The following ABHD5 variants were observed in gnomAD, a reference collection of about 807,000 sequenced individuals.
ABHD5 encodes the protein abhydrolase domain containing 5, lysophosphatidic acid acyltransferase, also known as 1-acylglycerol-3-phosphate O-acyltransferase ABHD5.
ABHD5 carries 30 observed loss-of-function variants against 44.9 expected under a neutral mutation model. The observed-to-expected ratio is 0.67, with a 90% CI of 0.50 to 0.91. The LOEUF (loss-of-function observed/expected upper bound fraction) is 0.91, where lower values mean the gene tolerates loss of function less well. Among genes scored for constraint, ABHD5 ranks in the 40% least tolerant of loss-of-function variants. The pLI is 0.00. For missense variants in ABHD5, 399 were observed against 423.4 expected, an observed-to-expected ratio of 0.94 and a Z score of 0.50; for synonymous variants, 167 against 147.0, an observed-to-expected ratio of 1.14 and a Z score of -0.99.
rs181786751 is a variant in ABHD5 at position 43,714,738 on chromosome 3, T to C, written c.662-209T>C. 1.9e-3 allele frequency among the ~76,000 whole-genome samples: 284 copies of C among 152,292 alleles called. 2 individuals are homozygous for C. The highest frequency in any genetic ancestry group is 1.5e-3 in the Non-Finnish European group (99 of 68,018). On this transcript the variant is annotated intron_variant, in intron 4 of 6. Transcript: ENST00000644371. ...CAAGTCAAAATACAATACTCTTTAC[T>C]TCTTATATTAATATTTCCTTGGGGA...
At chr3:43,705,931 TAC>T (rs1266023385) in intron 3 of ABHD5, among the ~76,000 whole-genome samples, 2 of 152,268 alleles carry the variant, frequency 1.3e-5, no homozygotes, top group African/African-American at 2.4e-5. Flanking sequence ...TGTACAAATT[TAC>T]ATAGATGATC....
chr3:43,695,862 T>C (rs1276893968), intron 1 of ABHD5, among the ~76,000 whole-genome samples: 1 of 152,264 alleles, frequency 6.6e-6, no homozygotes, highest in African/African-American at 2.4e-5. Context: ...AAGCACATCT[T>C]ACTTGGCTTT....
At chr3:43,717,626 C>G (rs773275659) in intron 5 of ABHD5, 45 bp from the exon 6 acceptor site, 5 of 1,602,228 alleles carry the variant, frequency 3.1e-6, no homozygotes, top group Non-Finnish European at 1.7e-6. Flanking sequence ...AATGCATACT[C>G]ATTCCCAAAA....
chr3:43,699,350 A>G lies in ABHD5; in HGVS notation c.122A>G (p.Lys41Arg), dbSNP rs756696058. Residue 41 changes from lysine to arginine, a missense_variant, in exon 2 of 7, where the codon AAG becomes AGG. Physicochemically the swap from Lys to Arg is conservative, Grantham distance 26. Transcript: ENST00000644371. The part of the protein sequence containing the change: ...SISHLKEAEE[K>R]MLKCVPCTYK... ...TCACACCTTAAAGAAGCTGAAGAGA[A>G]GATGTTAAAATGTAAGGCTTTCTTC... 1.9e-6 allele frequency: 3 copies of G among 1,613,258 alleles called. No individual in the cohort carries two copies. The South Asian group carries it at 3.3e-5, about 18-fold the overall frequency.
Position 43,715,037 on chromosome 3 carries a change from A to C in ABHD5, c.752A>C (p.His251Pro), listed in dbSNP as rs528321695. 4.4e-6 allele frequency: 7 copies of C among 1,608,254 alleles called. No individual in the cohort carries two copies. The South Asian group carries it at 7.7e-5, about 18-fold the overall frequency. The change falls in exon 5 of 7, where the codon CAC (histidine) becomes CCC (proline). Residue 251 changes from histidine to proline, a missense_variant. Physicochemically the swap from His to Pro is moderately conservative, Grantham distance 77. Coordinates refer to ENST00000644371, the MANE Select transcript of ABHD5 (RefSeq NM_016006.6). ...EDDTVTEYIY[H>P]CNVQTPSGET... Reference sequence around the variant, plus strand: ...GATACTGTGACAGAATACATCTACCACTGTAATGTGCAGACTCCAAGGTGA... The same window carrying C: ...GATACTGTGACAGAATACATCTACCCCTGTAATGTGCAGACTCCAAGGTGA...
chr3:43,718,488 G>T lies in ABHD5; in HGVS notation c.1006G>T (p.Glu336Ter), dbSNP rs762662276. 6.2e-7 allele frequency: 1 copy of T among 1,614,018 alleles called. No individual in the cohort carries two copies. Among genetic ancestry groups the T allele is most frequent in the Non-Finnish European group, 8.5e-7 (1 of 1,179,936 alleles). ...TTATGTATATGCAGATCAACCAGAA[G>T]AATTCAACCAGAAAGTAAAGGAGAT... The part of the protein sequence containing the change: ...GHYVYADQPE[E>*]FNQKVKEICD... The change falls in exon 7 of 7, where the codon GAA becomes TAA. Residue 336 changes from glutamate to a stop codon, truncating the protein, a stop_gained. Coordinates refer to ENST00000644371, the MANE Select transcript of ABHD5 (RefSeq NM_016006.6). LOFTEE classifies it high-confidence loss of function.
intron 3 of ABHD5, among the ~76,000 whole-genome samples, chr3:43,708,435 C>T (rs1248998415): frequency 2.0e-5 from 3 of 152,152 alleles, no homozygotes; most frequent in African/African-American, 4.8e-5. Flanking sequence ...TTACTAAAAG[C>T]GGAGGTTAGA....
chr3:43,717,831 C>T lies in ABHD5; in HGVS notation c.934C>T (p.Arg312Ter), dbSNP rs761087968. The change falls in exon 6 of 7, where the codon CGA becomes TGA. Residue 312 changes from arginine to a stop codon, truncating the protein, a stop_gained. Transcript: ENST00000644371. LOFTEE classifies it high-confidence loss of function. ...GNSGTSIQSL[R>*]PHSYVKTIAI... ...TTCTGGCACCAGCATCCAGTCCTTA[C>T]GACCACATTCATATGTGAAGACAAT... 20 of 1,614,106 alleles carry T rather than the reference C, an allele frequency of 1.2e-5. No homozygotes were observed. The highest frequency in any genetic ancestry group is 1.6e-4 in the Middle Eastern group (1 of 6,084).
downstream of ABHD5, among the ~76,000 whole-genome samples, chr3:43,724,882 TC>T (rs2084867854): frequency 6.6e-6 from 1 of 152,242 alleles, no homozygotes; most frequent in South Asian, 2.1e-4. Flanking sequence ...GGACAATTCT[TC>T]CTGTTGGATA....
At chr3:43,697,021 T>C (rs181745756) in intron 1 of ABHD5, among the ~76,000 whole-genome samples, 3 of 152,344 alleles carry the variant, frequency 2.0e-5, no homozygotes, top group South Asian at 2.1e-4. Context: ...CATGAAAACA[T>C]GTTTTGCCCC....
At position 43,717,675 on chromosome 3, in the gene ABHD5, G is replaced by A. The variant is rs28939078; in HGVS notation, c.778G>A (p.Glu260Lys). 1 of 1,614,188 alleles carries A rather than the reference G, an allele frequency of 6.2e-7. No individual in the cohort carries two copies. Among genetic ancestry groups the A allele is most frequent in the South Asian group, 1.1e-5 (1 of 91,084 alleles). Residue 260 changes from glutamate (E) to lysine (K), a missense_variant, in exon 6 of 7, where the codon GAG (glutamate) becomes AAG (lysine). Glu to Lys is a moderately conservative substitution (Grantham distance 56). Coordinates refer to ENST00000644371, the MANE Select transcript of ABHD5 (RefSeq NM_016006.6). ...ATTTTCTCCTTGCCGTTAAAGTGGT[G>A]AGACAGCTTTCAAGAATATGACTAT... ...YHCNVQTPSG[E>K]TAFKNMTIPY...
At chr3:43,714,824 A>G (rs2084739621) in intron 4 of ABHD5, 123 bp from the exon 5 acceptor site, 1 of 641,890 alleles carries the variant, frequency 1.6e-6, no homozygotes, top group Non-Finnish European at 2.9e-6. Context: ...ATATTTGAAT[A>G]CATATATATA....
chr3:43,721,875 G>A lies in ABHD5; in HGVS notation c.*3343G>A, dbSNP rs544940801. On this transcript the variant is annotated 3_prime_UTR_variant, in exon 7 of 7. Coordinates refer to ENST00000644371, the MANE Select transcript of ABHD5 (RefSeq NM_016006.6). ...ATGGTCTTTAAACATACAAGGATAT[G>A]CATAAAAAGACAAATGCAAAATAAA... 47 of 152,248 alleles carry A rather than the reference G, an allele frequency of 3.1e-4. No homozygotes were observed. Among genetic ancestry groups the A allele is most frequent in the African/African-American group, 9.9e-4 (41 of 41,548 alleles). 9.4% of individuals were successfully genotyped at this position (152,248 alleles called of 1,614,324 possible).
At chr3:43,700,173 A>G (rs955907012) in intron 2 of ABHD5, among the ~76,000 whole-genome samples, 1 of 152,242 alleles carries the variant, frequency 6.6e-6, no homozygotes, top group African/African-American at 2.4e-5. Context: ...ATGAAGGGGT[A>G]GGATTCTTAT....
At position 43,715,042 on chromosome 3, in the gene ABHD5, A is replaced by G; in HGVS notation, c.757A>G (p.Asn253Asp). Reference protein sequence around the residue: ...DTVTEYIYHCNVQTPSGETAF... With the variant: ...DTVTEYIYHCDVQTPSGETAF... ...TGTGACAGAATACATCTACCACTGT[A>G]ATGTGCAGACTCCAAGGTGAGGGTT... is the stretch of plus-strand genomic sequence containing the variant. Residue 253 changes from asparagine to aspartate, a missense_variant, in exon 5 of 7, where the codon AAT (asparagine) becomes GAT (aspartate). By Grantham distance (23) the Asn-to-Asp change is conservative. Coordinates refer to ENST00000644371, the MANE Select transcript of ABHD5 (RefSeq NM_016006.6). 2.5e-6 allele frequency: 4 copies of G among 1,608,532 alleles called. No homozygotes were observed. The highest frequency in any genetic ancestry group is 3.4e-6 in the Non-Finnish European group (4 of 1,176,942).
intron 7 of ABHD5, among the ~76,000 whole-genome samples, chr3:43,729,670 G>A (rs1030546411): frequency 1.3e-5 from 2 of 152,198 alleles, no homozygotes; most frequent in Non-Finnish European, 2.9e-5. Context: ...TAGATAATTT[G>A]TCTAGCCAAG....
At position 43,732,267 on chromosome 3, in the gene ABHD5, C is replaced by A. The variant is rs576861822; in HGVS notation, c.*30-1613C>A. Among the ~76,000 whole-genome samples, 19 of 152,116 alleles carry A rather than the reference C, an allele frequency of 1.2e-4. No homozygotes were observed. The East Asian group carries it at 2.7e-3, about 22-fold the overall frequency. On this transcript the variant is annotated intron_variant, in intron 7 of 7. Transcript: ENST00000454293. Reference sequence around the variant, plus strand: ...CCAACATGATGAAACCTTGTCTCTACTAAAAATACAAAAATTAGCCGGCAG... The same window carrying A: ...CCAACATGATGAAACCTTGTCTCTAATAAAAATACAAAAATTAGCCGGCAG...
chr3:43,707,106 C>T (rs2149599465), intron 3 of ABHD5, among the ~76,000 whole-genome samples: 1 of 152,210 alleles, frequency 6.6e-6, no homozygotes, highest in East Asian at 1.9e-4. Flanking sequence ...TGCACCTGGC[C>T]CGGTTTTTTC....
chr3:43,725,830 A>C (rs932918763), downstream of ABHD5, among the ~76,000 whole-genome samples: 18 of 151,612 alleles, frequency 1.2e-4, no homozygotes, highest in Non-Finnish European at 2.4e-4. Context: ...TATCAGGTTC[A>C]TTAAGGGCTG....
Sources: allele counts gnomAD v4.1 joint callset (sites outside exome capture counted in the v4.1 genomes callset), GRCh38; gene constraint gnomAD v4.1.1; transcripts MANE v1.5; gene names NCBI Gene and HGNC (gene_info 2026-07-23, HGNC 2026-07-21).